SLC2A13: variants seen among roughly 807,000 people sequenced by gnomAD.
SLC2A13 encodes solute carrier family 2 member 13, also known as proton myo-inositol cotransporter.
In SLC2A13, 32 loss-of-function variants were observed where a neutral mutation model predicts 64.4. The ratio of observed to expected loss-of-function variants is 0.50; its 90% CI spans 0.37 to 0.67. SLC2A13 has a LOEUF of 0.67. Ranked by LOEUF, SLC2A13 falls within the 30% of genes least tolerant of loss-of-function variation. SLC2A13 has a pLI of 0.00. For synonymous variants in SLC2A13, 338 were observed against 327.1 expected, an observed-to-expected ratio of 1.03 and a Z score of -0.36; for missense variants, 743 against 829.2, an observed-to-expected ratio of 0.90 and a Z score of 1.28.
intron 4 of SLC2A13, among the ~76,000 whole-genome samples, chr12:39,901,926 A>C (rs1277129702): frequency 6.6e-6 from 1 of 152,068 alleles, no homozygotes; most frequent in African/African-American, 2.4e-5. Flanking sequence ...CCAATAGCAA[A>C]GACTTGGAAC....
chr12:39,801,222 T>G (rs1280315965), intron 7 of SLC2A13, among the ~76,000 whole-genome samples: 2 of 92,056 alleles, frequency 2.2e-5, no homozygotes, highest in African/African-American at 6.9e-5. Context: ...AATGTGCACA[T>G]GTACCCTAAA....
intron 3 of SLC2A13, among the ~76,000 whole-genome samples, chr12:39,971,995 AAAATATAT>A (rs1946655063): frequency 2.1e-5 from 1 of 48,510 alleles, no homozygotes; most frequent in Non-Finnish European, 4.5e-5. Context: ...AAAAAAAAAA[AAAATATAT>A]ATATATATAT....
chr12:39,882,896 C>A (rs149203889), intron 4 of SLC2A13, among the ~76,000 whole-genome samples: 195 of 152,230 alleles, frequency 1.3e-3, no homozygotes, highest in African/African-American at 4.4e-3. Context: ...CATCATATTT[C>A]TATTTCTATC....
chr12:39,862,715 TA>T (rs1400596455), intron 6 of SLC2A13, among the ~76,000 whole-genome samples: 2 of 152,180 alleles, frequency 1.3e-5, no homozygotes, highest in African/African-American at 4.8e-5. Flanking sequence ...TTTTTATTCT[TA>T]ATTATTGTGT....
intron 6 of SLC2A13, among the ~76,000 whole-genome samples, chr12:39,860,284 A>G (rs1305035438): frequency 1.3e-5 from 2 of 152,244 alleles, no homozygotes; most frequent in African/African-American, 4.8e-5. Flanking sequence ...GCCTTCCAGC[A>G]TGAATAGCTT....
intron 7 of SLC2A13, among the ~76,000 whole-genome samples, chr12:39,786,378 A>ATTCTGAGGCCTCCCCAGCCATGG (rs1941187864): frequency 1.3e-5 from 2 of 152,028 alleles, no homozygotes; most frequent in African/African-American, 2.4e-5. Context: ...TCCCACCATG[A>ATTCTGAGGCCTCCCCAGCCATGG]TTCTGAGGCC....
intron 4 of SLC2A13, among the ~76,000 whole-genome samples, chr12:39,874,847 T>G (rs985383033): frequency 2.0e-5 from 3 of 152,146 alleles, no homozygotes; most frequent in African/African-American, 7.2e-5. Context: ...CTGACTGAAC[T>G]AAAGGTATAT....
rs1938719229 is a variant in SLC2A13 at position 40,090,239 on chromosome 12, C to T, written c.556+15014G>A. Among the ~76,000 whole-genome samples, 2 of 152,130 alleles carry T rather than the reference C, an allele frequency of 1.3e-5. 1 individual carries two copies. On this transcript the variant is annotated intron_variant, in intron 1 of 9. Transcript: ENST00000280871. ...AAAAGTTCCTAGTAATCATCAGACT[C>T]TTTTCTAAATGCTTCCAAATCTTCA...
At chr12:39,846,704 G>C (rs548368950) in intron 6 of SLC2A13, among the ~76,000 whole-genome samples, 1 of 152,184 alleles carries the variant, frequency 6.6e-6, no homozygotes, top group East Asian at 1.9e-4. Context: ...CACTGGCCTC[G>C]GCCTCCTAAA....
intron 1 of SLC2A13, among the ~76,000 whole-genome samples, chr12:40,060,369 T>A (rs1456013340): frequency 6.6e-6 from 1 of 152,302 alleles, no homozygotes. Context: ...TTGTAAAGGA[T>A]CCCCAAAATC....
intron 6 of SLC2A13, among the ~76,000 whole-genome samples, chr12:39,861,406 G>A (rs74086798): frequency 0.016 from 2,419 of 152,238 alleles, 60 homozygotes; most frequent in African/African-American, 0.055. Flanking sequence ...CCTAGGGCAA[G>A]GCTACCTTGA....
At chr12:39,878,478 A>G (rs1944251624) in intron 4 of SLC2A13, among the ~76,000 whole-genome samples, 1 of 152,244 alleles carries the variant, frequency 6.6e-6, no homozygotes, top group African/African-American at 2.4e-5. Flanking sequence ...GGTCATGTGT[A>G]TTATGCCTTA....
At chr12:39,792,785 G>A (rs1170927915) in intron 7 of SLC2A13, among the ~76,000 whole-genome samples, 2 of 132,626 alleles carry the variant, frequency 1.5e-5, no homozygotes, top group Non-Finnish European at 3.2e-5. Context: ...CTGATATGGA[G>A]GGCTGGCTGT....
chr12:40,043,822 C>T (rs1948131578), intron 2 of SLC2A13, among the ~76,000 whole-genome samples: 1 of 152,020 alleles, frequency 6.6e-6, no homozygotes, highest in Admixed American at 6.6e-5. Flanking sequence ...ACTAGGATGA[C>T]TGTAATCAAA....
chr12:39,999,881 T>C (rs1004164988), intron 3 of SLC2A13, among the ~76,000 whole-genome samples: 1 of 152,230 alleles, frequency 6.6e-6, no homozygotes, highest in African/African-American at 2.4e-5. Flanking sequence ...TAAAACTTGC[T>C]GGCTTTAAGG....
chr12:39,904,321 T>C (rs1490805511), intron 4 of SLC2A13, among the ~76,000 whole-genome samples: 1 of 152,154 alleles, frequency 6.6e-6, no homozygotes, highest in Non-Finnish European at 1.5e-5. Flanking sequence ...AACCACATTG[T>C]AGTTTAGACA....
intron 7 of SLC2A13, among the ~76,000 whole-genome samples, chr12:39,796,238 C>A (rs929678749): frequency 6.6e-6 from 1 of 152,050 alleles, no homozygotes; most frequent in African/African-American, 2.4e-5. Context: ...CCCTTAACAT[C>A]TTAACTGATC....
intron 3 of SLC2A13, among the ~76,000 whole-genome samples, chr12:39,969,820 A>C (rs1946608470): frequency 6.6e-6 from 1 of 151,920 alleles, no homozygotes; most frequent in South Asian, 2.1e-4. Context: ...CCCATTTGTC[A>C]ATTTTGGCTT....
chr12:40,051,341 T>C (rs1948249630), intron 1 of SLC2A13, among the ~76,000 whole-genome samples: 1 of 152,116 alleles, frequency 6.6e-6, no homozygotes, highest in African/African-American at 2.4e-5. Flanking sequence ...GGAATATGTG[T>C]GCAGATAAGA....
Sources: allele counts gnomAD v4.1 joint callset (sites outside exome capture counted in the v4.1 genomes callset), GRCh38; gene constraint gnomAD v4.1.1; transcripts MANE v1.5; gene names NCBI Gene and HGNC (gene_info 2026-07-23, HGNC 2026-07-21).